Variants in MMD2 observed in about 807,000 individuals in gnomAD.
MMD2 encodes the protein monocyte to macrophage differentiation factor 2.
Under a neutral mutation model 33.5 loss-of-function variants are expected in MMD2, and 30 were observed. The observed-to-expected ratio is 0.90, with a 90% CI of 0.67 to 1.22. The LOEUF (loss-of-function observed/expected upper bound fraction) is 1.22. MMD2 is among the 50% of genes most tolerant of loss of function. The pLI is 0.00. For synonymous variants in MMD2, 129 were observed against 123.0 expected, an observed-to-expected ratio of 1.05 and a Z score of -0.32; for missense variants, 364 against 325.4, an observed-to-expected ratio of 1.12 and a Z score of -0.91.
intron 3 of MMD2, among the ~76,000 whole-genome samples, chr7:4,917,260 G>C (rs1785164888): frequency 6.6e-6 from 1 of 152,136 alleles, no homozygotes; most frequent in Admixed American, 6.6e-5. Flanking sequence ...CTAGGTCTCA[G>C]CTTCCTTCTC....
chr7:4,940,585 G>A lies in MMD2; in HGVS notation c.48-15053C>T, dbSNP rs1181902150. ...TCCCCCTCTCCGCTTGGCCCTGGCC[G>A]CTTCTTTGTGTCCATTCATGAATTC... On this transcript the variant is annotated intron_variant, in intron 1 of 6. Coordinates refer to ENST00000401401, the MANE Select transcript of MMD2 (RefSeq NM_198403.4). The surrounding 1 kb of genome is among the most constrained non-coding windows in gnomAD (Gnocchi z 5.0). Among the ~76,000 whole-genome samples the A allele has an allele frequency of 6.6e-6, 1 of 152,238 alleles. No individual in the cohort carries two copies. The highest frequency in any genetic ancestry group is 2.4e-5 in the African/African-American group (1 of 41,468).
At chr7:4,958,089 G>C (rs1188268165) in intron 1 of MMD2, among the ~76,000 whole-genome samples, 1 of 152,168 alleles carries the variant, frequency 6.6e-6, no homozygotes, top group Non-Finnish European at 1.5e-5. Flanking sequence ...GGGGACCCCA[G>C]GTGGCAGAGG....
At chr7:4,916,125 G>A (rs1248837215) in intron 3 of MMD2, 46 bp from the exon 4 acceptor site, 2 of 1,585,140 alleles carry the variant, frequency 1.3e-6, no homozygotes, top group African/African-American at 2.7e-5. Context: ...GCACAGCAGG[G>A]AAGGGCCAGT....
chr7:4,918,930 T>C (rs556794688), intron 3 of MMD2, among the ~76,000 whole-genome samples: 1 of 152,116 alleles, frequency 6.6e-6, no homozygotes, highest in South Asian at 2.1e-4. Flanking sequence ...AAACCCCATC[T>C]GTACAAGAAA....
rs372387118 is a variant in MMD2, at chr7:4,916,002, C to T, written c.365+3G>A. ...GTTTGCTGGGCGGCGGGACGGTACTCACCAGGGTGCGTAGGAAGCCGCTAT... is the reference window on the plus strand; with the variant it reads ...GTTTGCTGGGCGGCGGGACGGTACTTACCAGGGTGCGTAGGAAGCCGCTAT... On this transcript the variant is annotated splice_donor_region_variant and intron_variant, in intron 4 of 6. Transcript: ENST00000401401. The T allele has an allele frequency of 1.2e-5, 19 of 1,613,792 alleles. No homozygotes were observed. The highest frequency in any genetic ancestry group is 1.6e-5 in the Non-Finnish European group (19 of 1,179,784).
Position 4,909,919 on chromosome 7 carries a change from C to T in MMD2, c.499G>A (p.Val167Ile), listed in dbSNP as rs751221236. ...YKLVELLCYVVMGFFPALVIL... is the reference protein window; with the variant it reads ...YKLVELLCYVIMGFFPALVIL... ...ACCAGGGCGGGGAAGAAGCCCATTA[C>T]GACGTAGCAGAGAAGCTCCACAAGC... The change falls in exon 6 of 7, where the codon GTA becomes ATA. Residue 167 changes from valine to isoleucine, a missense_variant. Val to Ile is a conservative substitution (Grantham distance 29). Transcript: ENST00000401401. The T allele has an allele frequency of 3.0e-5, 48 of 1,613,772 alleles. No individual in the cohort carries two copies. Among genetic ancestry groups the T allele is most frequent in the African/African-American group, 8.0e-5 (6 of 74,918 alleles).
At chr7:4,918,878 G>A (rs1785206091) in intron 3 of MMD2, among the ~76,000 whole-genome samples, 2 of 151,832 alleles carry the variant, frequency 1.3e-5, no homozygotes, top group South Asian at 4.2e-4. Flanking sequence ...AGGGCAGATC[G>A]CCTGAGCCCA....
chr7:4,945,949 TTC>T (rs1786064110), intron 1 of MMD2, among the ~76,000 whole-genome samples: 1 of 152,180 alleles, frequency 6.6e-6, no homozygotes, highest in African/African-American at 2.4e-5. Flanking sequence ...ACAAGCCAGT[TTC>T]CAGCCCAACT....
chr7:4,927,714 C>A (rs1562484811), intron 1 of MMD2, among the ~76,000 whole-genome samples: 1 of 152,022 alleles, frequency 6.6e-6, no homozygotes, highest in Non-Finnish European at 1.5e-5. Flanking sequence ...CTCAAAAAAA[C>A]CAAACCAAAA....
chr7:4,924,787 T>G (rs1189623744), intron 2 of MMD2, among the ~76,000 whole-genome samples: 1 of 152,130 alleles, frequency 6.6e-6, no homozygotes, highest in Admixed American at 6.6e-5. Context: ...AGTCATGTCT[T>G]CCATTTAGGA....
intron 1 of MMD2, among the ~76,000 whole-genome samples, chr7:4,943,136 C>G (rs1036574756): frequency 1.3e-4 from 20 of 150,798 alleles, no homozygotes; most frequent in African/African-American, 4.6e-4. Context: ...CAGTCTCCTG[C>G]GTAGCTGAGA....
At chr7:4,909,642 C>A in intron 6 of MMD2, 1 of 700,226 alleles carries the variant, frequency 1.4e-6, no homozygotes, top group Non-Finnish European at 2.6e-6. Flanking sequence ...TGCTATGTTG[C>A]CCAGGCTGGT....
chr7:4,926,768 G>A (rs1297336815), intron 1 of MMD2, among the ~76,000 whole-genome samples: 1 of 150,954 alleles, frequency 6.6e-6, no homozygotes, highest in Non-Finnish European at 1.5e-5. Flanking sequence ...TTTTTGAGAC[G>A]GAGTCGTGCT....
intron 1 of MMD2, among the ~76,000 whole-genome samples, chr7:4,955,267 T>A (rs761925306): frequency 1.1e-4 from 17 of 152,238 alleles, no homozygotes; most frequent in Non-Finnish European, 2.2e-4. Flanking sequence ...TACAGCTTTA[T>A]GATATGAATG....
Position 4,958,745 on chromosome 7 carries a change from A to G in MMD2, c.47+226T>C, listed in dbSNP as rs540093440. Among the ~76,000 whole-genome samples, 1,134 of 152,256 alleles carry G rather than the reference A, an allele frequency of 7.4e-3. 1 individual carries two copies. The highest frequency in any genetic ancestry group is 0.017 in the South Asian group (83 of 4,824). On this transcript the variant is annotated intron_variant, in intron 1 of 6. Coordinates refer to ENST00000401401, the MANE Select transcript of MMD2 (RefSeq NM_198403.4). ...AAATGAGGTTCAGAGAAGTGAAGCG[A>G]CTTGCCCAATGGCACCCAGCGAGGA...
rs1230716623 is a variant in MMD2, at chr7:4,920,323, G to A, written c.138C>T (p.Ile46=). ...TGGAGCTGCCCAGGATGCTGGGGATGATCCAGAACTGGAGGGGCAGGGACG... is the reference window on the plus strand; with the variant it reads ...TGGAGCTGCCCAGGATGCTGGGGATAATCCAGAACTGGAGGGGCAGGGACG... ...AANCATHAFW[I]IPSILGSSNL... The change falls in exon 3 of 7, where the codon ATC becomes ATT. Residue 46 remains isoleucine (I), a synonymous_variant. Coordinates refer to ENST00000401401, the MANE Select transcript of MMD2 (RefSeq NM_198403.4). The A allele has an allele frequency of 4.4e-6, 7 of 1,608,054 alleles. No individual in the cohort carries two copies. The Admixed American group carries it at 6.8e-5, about 16-fold the overall frequency.
At chr7:4,910,405 G>A (rs1297879831) in intron 5 of MMD2, among the ~76,000 whole-genome samples, 3 of 152,130 alleles carry the variant, frequency 2.0e-5, no homozygotes, top group Non-Finnish European at 4.4e-5. Flanking sequence ...TGGGCTCTGA[G>A]ACTGCAGGAA....
chr7:4,926,551 C>G (rs1305287459), intron 1 of MMD2, among the ~76,000 whole-genome samples: 1 of 152,002 alleles, frequency 6.6e-6, no homozygotes, highest in Non-Finnish European at 1.5e-5. Context: ...GCCCAGTGCC[C>G]CCTCCCATGG....
chr7:4,922,771 A>G (rs1157676555), intron 2 of MMD2, among the ~76,000 whole-genome samples: 1 of 151,978 alleles, frequency 6.6e-6, no homozygotes, highest in African/African-American at 2.4e-5. Flanking sequence ...ATCACCTACC[A>G]TGCCTAGTAT....
Sources: allele counts gnomAD v4.1 joint callset (sites outside exome capture counted in the v4.1 genomes callset), GRCh38; gene constraint gnomAD v4.1.1; non-coding constraint Gnocchi (gnomAD v3.1); transcripts MANE v1.5; gene names NCBI Gene and HGNC (gene_info 2026-07-23, HGNC 2026-07-21).